AFAP1L1: variants seen among roughly 807,000 people sequenced by gnomAD.
AFAP1L1 encodes actin filament-associated protein 1-like 1.
Under a neutral mutation model 99.8 loss-of-function variants are expected in AFAP1L1, and 77 were observed. The ratio of observed to expected loss-of-function variants is 0.77; its 90% confidence interval spans 0.64 to 0.93. AFAP1L1 has a LOEUF of 0.93. Ranked by LOEUF, AFAP1L1 falls within the 40% of genes least tolerant of loss-of-function variation. The pLI is 0.00. For synonymous variants in AFAP1L1, 373 were observed against 395.3 expected, an observed-to-expected ratio of 0.94 and a Z score of 0.67; for missense variants, 893 against 996.8, an observed-to-expected ratio of 0.90 and a Z score of 1.40.
At chr5:149,331,569 A>G (rs980176329) in intron 16 of AFAP1L1, among the ~76,000 whole-genome samples, 12 of 151,926 alleles carry the variant, frequency 7.9e-5, no homozygotes, top group Admixed American at 7.2e-4. Context: ...GCAGTGAGCC[A>G]AGATCACGCC....
intron 1 of AFAP1L1, among the ~76,000 whole-genome samples, chr5:149,279,054 A>T (rs111479330): frequency 1.3e-5 from 2 of 152,320 alleles, no homozygotes; most frequent in African/African-American, 4.8e-5. Flanking sequence ...ATTCACCACC[A>T]AATCAGATGA....
chr5:149,290,376 A>G (rs1181066506), intron 1 of AFAP1L1, among the ~76,000 whole-genome samples: 2 of 152,186 alleles, frequency 1.3e-5, no homozygotes, highest in African/African-American at 4.8e-5. Context: ...GCACATTCAC[A>G]TGTGTCGGGG....
rs563645015 is a variant in AFAP1L1 at position 149,317,917 on chromosome 5, C to T, written c.1456C>T (p.Arg486Trp). The T allele has an allele frequency of 1.3e-4, 203 of 1,579,346 alleles. No homozygotes were observed. Among genetic ancestry groups the T allele is most frequent in the Non-Finnish European group, 1.7e-4 (199 of 1,162,288 alleles). Reference protein sequence around the residue: ...HPFAFRILRNRQEVAILEASC... With the variant: ...HPFAFRILRNWQEVAILEASC... Reference sequence around the variant, plus strand: ...ATTTGCCTTCAGGATCCTGCGCAACCGGCAGGAGGTGGCCATCTTGGAGGT... The same window carrying T: ...ATTTGCCTTCAGGATCCTGCGCAACTGGCAGGAGGTGGCCATCTTGGAGGT... The change falls in exon 12 of 19, where the codon CGG becomes TGG. Residue 486 changes from arginine to tryptophan, a missense_variant. By Grantham distance (101) the Arg-to-Trp change is moderately radical. Transcript: ENST00000296721.
At chr5:149,311,435 T>A (rs1261375605) in intron 8 of AFAP1L1, among the ~76,000 whole-genome samples, 1 of 152,244 alleles carries the variant, frequency 6.6e-6, no homozygotes, top group East Asian at 1.9e-4. Context: ...TTTCTGGCTC[T>A]GCTGCCACCT....
chr5:149,320,547 C>T lies in AFAP1L1; in HGVS notation c.1698+84C>T. ...TTTCTGCTCCCTTTACCTTCTGCCT[C>T]AGAAAGATCATTTTCATTTAAGCAG... On this transcript the variant is annotated intron_variant, in intron 14 of 18. Coordinates refer to ENST00000296721, the MANE Select transcript of AFAP1L1 (RefSeq NM_152406.4). This position sits in a 1 kb window ranked among gnomAD's most constrained non-coding sequence, Gnocchi z 4.0. The T allele has an allele frequency of 7.9e-7, 1 of 1,265,584 alleles. No individual in the cohort carries two copies. The highest frequency in any genetic ancestry group is 1.9e-4 in the Middle Eastern group (1 of 5,210). The allele number at this position is 1,265,584 out of a possible 1,614,324, so 78.4% of individuals were successfully genotyped here. A position where few individuals can be genotyped will look rare whatever the true frequency, so the allele number is the denominator to read the frequency against.
In AFAP1L1 at chr5:149,319,659, G is replaced by C; in HGVS notation, c.1557G>C (p.Ala519=). ...VEMGSRVTPE[A]LHYDYVDVET... ...TGGGCTCCAGAGTCACTCCGGAGGC[G>C]CTGCACTATGACTACGTGGATGTGG... The change falls in exon 13 of 19, where the codon GCG becomes GCC. Residue 519 remains alanine, a synonymous_variant. Coordinates refer to ENST00000296721, the MANE Select transcript of AFAP1L1 (RefSeq NM_152406.4). 1 of 1,612,880 alleles carries C rather than the reference G, an allele frequency of 6.2e-7. No homozygotes were observed. The highest frequency in any genetic ancestry group is 1.7e-5 in the Admixed American group (1 of 60,020).
At chr5:149,287,112 G>A (rs992608003) in intron 1 of AFAP1L1, among the ~76,000 whole-genome samples, 3 of 152,138 alleles carry the variant, frequency 2.0e-5, no homozygotes, top group African/African-American at 7.2e-5. Flanking sequence ...TCCTACAATG[G>A]AATAGCATGT....
intron 1 of AFAP1L1, among the ~76,000 whole-genome samples, chr5:149,297,239 T>C (rs1221449890): frequency 6.6e-6 from 1 of 152,166 alleles, no homozygotes; most frequent in African/African-American, 2.4e-5. Flanking sequence ...AGAACCTGTG[T>C]TTATTTGATA....
At chr5:149,274,937 C>T (rs1755266262) in intron 1 of AFAP1L1, among the ~76,000 whole-genome samples, 1 of 151,968 alleles carries the variant, frequency 6.6e-6, no homozygotes, top group Non-Finnish European at 1.5e-5. Flanking sequence ...CCCCTGTTCC[C>T]AGGCAGGTGT....
intron 1 of AFAP1L1, among the ~76,000 whole-genome samples, chr5:149,299,018 C>T (rs912412920): frequency 3.3e-5 from 5 of 152,186 alleles, no homozygotes; most frequent in Admixed American, 2.6e-4. Context: ...GCCAAGGCAC[C>T]GGAAACAGAA....
chr5:149,328,789 GGGT>G (rs1375811978), intron 15 of AFAP1L1, among the ~76,000 whole-genome samples: 1 of 152,084 alleles, frequency 6.6e-6, no homozygotes, highest in Non-Finnish European at 1.5e-5. Context: ...ACTTCAGCCT[GGGT>G]GACAGAGCGA....
At chr5:149,293,666 G>A (rs1755928577) in intron 1 of AFAP1L1, among the ~76,000 whole-genome samples, 1 of 152,192 alleles carries the variant, frequency 6.6e-6, no homozygotes, top group Admixed American at 6.5e-5. Context: ...GATCAATACT[G>A]TGGAGTCTCC....
Position 149,312,181 on chromosome 5 carries a change from C to T in AFAP1L1, c.997C>T (p.Leu333=), listed in dbSNP as rs1330451501. Residue 333 remains leucine (L), a synonymous_variant, in exon 9 of 19, where the codon CTG becomes TTG. Transcript: ENST00000296721. ...GGAGGTCCCCAGATCCCCAGTCCTC[C>T]TGTGCAAGTTGGACCTGGACAAGGT... ...GVEVPRSPVL[L]CKLDLDKRLS... The T allele has an allele frequency of 2.5e-6, 4 of 1,614,204 alleles. No individual in the cohort carries two copies. The South Asian group carries it at 4.4e-5, about 18-fold the overall frequency.
intron 18 of AFAP1L1, among the ~76,000 whole-genome samples, 190 bp downstream of exon 18, chr5:149,335,912 G>A (rs1461026883): frequency 6.6e-6 from 1 of 152,218 alleles, no homozygotes; most frequent in African/African-American, 2.4e-5. Context: ...TTCACTCTTT[G>A]TTAACACATA....
At chr5:149,300,813 T>A (rs1033576345) in intron 3 of AFAP1L1, among the ~76,000 whole-genome samples, 5 of 152,210 alleles carry the variant, frequency 3.3e-5, no homozygotes, top group Admixed American at 1.3e-4. Flanking sequence ...CAGGCCTTGG[T>A]GAGAGAGTTT....
intron 1 of AFAP1L1, among the ~76,000 whole-genome samples, chr5:149,273,763 C>G (rs1581277843): frequency 6.6e-6 from 1 of 151,784 alleles, no homozygotes; most frequent in African/African-American, 2.4e-5. Context: ...CACCATCCCC[C>G]CTCCCCTTCA....
intron 9 of AFAP1L1, among the ~76,000 whole-genome samples, chr5:149,315,355 C>T (rs1235776319): frequency 6.6e-6 from 1 of 152,182 alleles, no homozygotes; most frequent in Non-Finnish European, 1.5e-5. Context: ...TCCTCACTGT[C>T]ATCTTGGTTC....
At chr5:149,335,260 G>A (rs918251821) in intron 17 of AFAP1L1, among the ~76,000 whole-genome samples, 10 of 152,140 alleles carry the variant, frequency 6.6e-5, no homozygotes, top group African/African-American at 2.4e-4. Context: ...GGCCAAGGTG[G>A]GTGGATTGCT....
chr5:149,302,199 G>A (rs548866718), intron 4 of AFAP1L1, among the ~76,000 whole-genome samples: 1 of 148,804 alleles, frequency 6.7e-6, no homozygotes, highest in Non-Finnish European at 1.5e-5. Flanking sequence ...CACAAAACTT[G>A]CAGACATTCC....
Sources: gnomAD v4.1 joint callset for allele counts (sites outside exome capture counted in the v4.1 genomes callset) on GRCh38, gnomAD v4.1.1 for gene constraint, Gnocchi (gnomAD v3.1) non-coding constraint, MANE v1.5 for transcripts, NCBI Gene and HGNC (gene_info 2026-07-23, HGNC 2026-07-21) for gene names.